NBPF14: variants seen among roughly 807,000 people sequenced by gnomAD.
NBPF14 encodes NBPF family member NBPF14.
A neutral mutation model predicts 91.2 loss-of-function variants in NBPF14; 104 were observed. The ratio of observed to expected loss-of-function variants is 1.14; its 90% CI spans 0.97 to 1.34. The LOEUF (loss-of-function observed/expected upper bound fraction) is 1.34. Ranked by LOEUF, NBPF14 falls within the 40% of genes most tolerant of loss-of-function variation. NBPF14 has a pLI of 0.00. For synonymous variants in NBPF14, 294 were observed against 303.8 expected (o/e 0.97, Z 0.34); for missense variants, 908 against 783.0 (o/e 1.16, Z -1.91).
intron 34 of NBPF14, among the ~76,000 whole-genome samples, chr1:148,561,889 G>A (rs1290942156): frequency 7.6e-6 from 1 of 132,022 alleles, no homozygotes; most frequent in Non-Finnish European, 1.5e-5. Flanking sequence ...TGATGAGGGA[G>A]TAACAGGACA....
chr1:148,533,917 C>A (rs1219502148), exon 70 of NBPF14: 11 of 748,168 alleles, frequency 1.5e-5, no homozygotes, highest in Non-Finnish European at 2.4e-5. Flanking sequence ...TTCTTCTTTC[C>A]TTCTTTGATC....
intron 9 of NBPF14, among the ~76,000 whole-genome samples, chr1:148,585,426 C>T (rs1661351604): frequency 1.3e-5 from 2 of 151,878 alleles, no homozygotes; most frequent in African/African-American, 4.8e-5. Context: ...CAACATGTGG[C>T]CAAATATTGA....
Position 148,592,710 on chromosome 1 carries a change from T to C in NBPF14, c.335A>G (p.Lys112Arg). The C allele has an allele frequency of 2.5e-6, 4 of 1,586,930 alleles. 1 individual carries two copies. The highest frequency in any genetic ancestry group is 3.4e-6 in the Non-Finnish European group (4 of 1,160,282). ...GGAGGCATCTCTCCCTTCCCGTAAC[T>C]TCTCCCTTAGCTGGGTCAGCTCTCG... is the stretch of plus-strand genomic sequence containing the variant. The change falls in exon 4 of 71, where the codon AAG (lysine) becomes AGG (arginine). Residue 112 changes from lysine to arginine, a missense_variant. This residue lies in a region of NBPF14 where 61 missense variants were observed against 56.4 expected (regional missense o/e 1.08). Coordinates refer to ENST00000619423, the Ensembl canonical transcript of NBPF14.
chr1:148,585,443 C>T (rs1226695516), intron 9 of NBPF14, among the ~76,000 whole-genome samples: 1 of 151,738 alleles, frequency 6.6e-6, no homozygotes, highest in African/African-American at 2.4e-5. Flanking sequence ...TTGAAAAGAC[C>T]TTTTGCTTCC....
chr1:148,549,963 G>A (rs1437681665), intron 49 of NBPF14, among the ~76,000 whole-genome samples: 4 of 82,624 alleles, frequency 4.8e-5, no homozygotes, highest in Non-Finnish European at 8.0e-5. Flanking sequence ...TGGCTGCTAA[G>A]AGAAAAACTG....
In NBPF14 at chr1:148,576,092, G is replaced by T. The variant is rs1332912480; in HGVS notation, c.2079-281C>A. Among the ~76,000 whole-genome samples the T allele has an allele frequency of 4.2e-5, 6 of 141,740 alleles. No homozygotes were observed. In the East Asian group the frequency reaches 8.4e-4, roughly 20 times the overall value. 93.0% of individuals were successfully genotyped at this position (141,740 alleles called of 152,430 possible). ...ATGAAGGGGTTAAAGGACACTCTGA[G>T]TTAGTGCCCTCGGGACACACAGCGA... On this transcript the variant is annotated intron_variant, in intron 16 of 70. Coordinates refer to ENST00000619423, the Ensembl canonical transcript of NBPF14.
chr1:148,577,567 CA>C (rs1660094868), intron 14 of NBPF14, among the ~76,000 whole-genome samples: 1 of 150,858 alleles, frequency 6.6e-6, no homozygotes, highest in South Asian at 2.1e-4. Context: ...CACACACACA[CA>C]CACACACACT....
At chr1:148,578,856 G>T (rs1320707352) in intron 13 of NBPF14, among the ~76,000 whole-genome samples, 1 of 148,972 alleles carries the variant, frequency 6.7e-6, no homozygotes, top group African/African-American at 2.5e-5. Context: ...GGTTGGCATG[G>T]GCATGGCCTG....
rs1163213044 is a variant in NBPF14, at chr1:148,566,393, G to A, written c.3543-78C>T. On this transcript the variant is annotated intron_variant, in intron 28 of 70. Transcript: ENST00000619423. The stretch of plus-strand genomic sequence containing the variant: ...GAGCCTCAACTAGGTTTCATGGGTA[G>A]CATAGGGAAGTGGTTAAAAAACTAA... The A allele has an allele frequency of 7.4e-6, 5 of 673,590 alleles. 1 individual carries two copies. The highest frequency in any genetic ancestry group is 1.9e-5 in the African/African-American group (1 of 52,936). The allele number at this position is 673,590 out of a possible 1,614,324, so 41.7% of individuals were successfully genotyped here. A position where few individuals can be genotyped will look rare whatever the true frequency, so the allele number is the denominator to read the frequency against.
At position 148,566,294 on chromosome 1, in the gene NBPF14, C is replaced by G; in HGVS notation, c.3564G>C (p.Glu1188Asp). 6 of 686,840 alleles carry G rather than the reference C, an allele frequency of 8.7e-6. 2 individuals are homozygous for G. The highest frequency in any genetic ancestry group is 1.0e-5 in the Non-Finnish European group (4 of 383,804). 42.5% of individuals were successfully genotyped at this position (686,840 alleles called of 1,614,324 possible). Residue 1188 changes from glutamate to aspartate, a missense_variant, in exon 29 of 71, where the codon GAG (glutamate) becomes GAC (aspartate). By Grantham distance (45) the Glu-to-Asp change is conservative (BLOSUM62 2). Around this residue, in one of 13 missense-constraint regions of NBPF14, gnomAD observed 447 missense variants for 189.1 expected, o/e 2.36. Coordinates refer to ENST00000619423, the Ensembl canonical transcript of NBPF14. ...CCTGCAAGACTTCAGGCTCTACTAC[C>G]TCCAGCAGCTCCCTGCTGAGCCTGG...
Position 148,577,615 on chromosome 1 carries a change from G to T in NBPF14, c.1854-260C>A, listed in dbSNP as rs1275510725. 3.3e-3 allele frequency among the ~76,000 whole-genome samples: 491 copies of T among 149,850 alleles called. 2 individuals are homozygous for T. Among genetic ancestry groups the T allele is most frequent in the Non-Finnish European group, 4.1e-3 (276 of 67,868 alleles). ...AGAGCGAGGTCAGTCAATTGGTCAG[G>T]TGACACACTGATGAGGGAGTCAAAG... On this transcript the variant is annotated intron_variant, in intron 14 of 70. Transcript: ENST00000619423.
Position 148,533,808 on chromosome 1 carries a change from G to C in NBPF14, c.8723+53C>G, listed in dbSNP as rs1277073821. On this transcript the variant is annotated intron_variant, in intron 70 of 70. Coordinates refer to ENST00000619423, the Ensembl canonical transcript of NBPF14. ...AACACACTCTGGTTTCCCTGAATCT[G>C]TTGCCTCCAGGAGTTAACACAGAAC... 4.3e-5 allele frequency: 33 copies of C among 766,998 alleles called. No individual in the cohort carries two copies. In the East Asian group the frequency reaches 4.6e-4, roughly 11 times the overall value. The allele number at this position is 766,998 out of a possible 1,614,324, so 47.5% of individuals were successfully genotyped here.
chr1:148,572,482 A>G (rs1659250927), exon 21 of NBPF14: 2 of 560,326 alleles, frequency 3.6e-6, no homozygotes, highest in Non-Finnish European at 6.2e-6. Context: ...TGTTCCTCCA[A>G]TGAGTAAACA....
intron 70 of NBPF14, 127 bp downstream of exon 70, chr1:148,533,734 C>A (rs1654242578): frequency 9.4e-6 from 7 of 744,518 alleles, no homozygotes; most frequent in Admixed American, 3.7e-5. Context: ...TGAAAACCAA[C>A]AGCAATGACA....
chr1:148,566,433 T>A (rs1410562838), intron 28 of NBPF14, 118 bp from the exon 29 acceptor site: 21 of 603,728 alleles, frequency 3.5e-5, no homozygotes, highest in South Asian at 1.8e-4. Context: ...ATAGATCCAT[T>A]AATGAGGTAA....
At chr1:148,565,910 G>A (rs1338307259) in intron 29 of NBPF14, among the ~76,000 whole-genome samples, 7 of 1,404 alleles carry the variant, frequency 5.0e-3, no homozygotes, top group African/African-American at 0.018. Context: ...CATGAGAATA[G>A]GATCAGGGCG....
At chr1:148,533,725 GA>G (rs1445770666) in intron 70 of NBPF14, 135 bp downstream of exon 70, 4 of 733,444 alleles carry the variant, frequency 5.5e-6, no homozygotes, top group Middle Eastern at 3.8e-4. Flanking sequence ...CTACTGCAAT[GA>G]AAACCAACAG....
At chr1:148,533,790 T>A (rs1161897592) in intron 70 of NBPF14, 71 bp downstream of exon 70, 4 of 764,854 alleles carry the variant, frequency 5.2e-6, no homozygotes, top group Admixed American at 5.1e-5. Flanking sequence ...TCAAACACAC[T>A]CTGGTTTCCC....
exon 36 of NBPF14, chr1:148,560,609 C>G: frequency 5.2e-6 from 1 of 193,014 alleles, no homozygotes; most frequent in Non-Finnish European, 8.5e-6. Flanking sequence ...TTTTGATCTT[C>G]TTCCCCTTCT....
Sources: allele counts gnomAD v4.1 joint callset (sites outside exome capture counted in the v4.1 genomes callset), GRCh38; gene constraint gnomAD v4.1.1; regional missense constraint gnomAD v4.1.1; transcripts MANE v1.5; gene names NCBI Gene and HGNC (gene_info 2026-07-23, HGNC 2026-07-21).